Variants in ARHGAP26 observed in about 807,000 individuals in gnomAD.
ARHGAP26 encodes rho GTPase-activating protein 26.
Under a neutral mutation model 104.8 loss-of-function variants are expected in ARHGAP26, and 38 were observed. The ratio of observed to expected loss-of-function variants is 0.36; its 90% CI spans 0.28 to 0.48. The LOEUF is 0.48. ARHGAP26 is among the 20% of genes least tolerant of loss of function. ARHGAP26 has a pLI of 0.99. For synonymous variants in ARHGAP26, 341 were observed against 340.0 expected (o/e 1.00, Z -0.03); for missense variants, 704 against 947.9 (o/e 0.74, Z 3.38).
intron 14 of ARHGAP26, among the ~76,000 whole-genome samples, chr5:143,047,846 T>C (rs914184158): frequency 6.6e-6 from 1 of 152,112 alleles, no homozygotes; most frequent in Admixed American, 6.5e-5. Flanking sequence ...ATTATTATTA[T>C]TCCGCTCTGT....
intron 11 of ARHGAP26, among the ~76,000 whole-genome samples, chr5:142,988,234 G>C (rs1053335366): frequency 6.6e-6 from 1 of 152,100 alleles, no homozygotes; most frequent in African/African-American, 2.4e-5. Flanking sequence ...TGTATGTGTC[G>C]TGGAATTTAT....
intron 17 of ARHGAP26, among the ~76,000 whole-genome samples, chr5:143,104,693 ATT>A (rs1375925995): frequency 6.6e-6 from 1 of 152,230 alleles, no homozygotes; most frequent in East Asian, 1.9e-4. Context: ...AGATTTCTAA[ATT>A]ATCGAATACC....
At chr5:142,858,535 G>T (rs780864108) in intron 1 of ARHGAP26, among the ~76,000 whole-genome samples, 1 of 152,030 alleles carries the variant, frequency 6.6e-6, no homozygotes, top group African/African-American at 2.4e-5. Context: ...GGGATTGCAG[G>T]GTTTATCATT....
At position 143,226,711 on chromosome 5, in the gene ARHGAP26, ATATGTGTTTTCT is replaced by A. The variant is rs1166867577; in HGVS notation, c.*4271_*4282del. The A allele has an allele frequency of 4.6e-6, 1 of 217,436 alleles. No individual in the cohort carries two copies. The highest frequency in any genetic ancestry group is 5.8e-5 in the Admixed American group (1 of 17,218). The allele number at this position is 217,436 out of a possible 1,614,324, so 13.5% of individuals were successfully genotyped here. On this transcript the variant is annotated 3_prime_UTR_variant, in exon 23 of 23. Transcript: ENST00000645722. ...AATGTCTGAAGTATTTATACGGCCA[ATATGTGTTTTCT>A]TATGTCAGACCACACTGTCTTTTTG...
intron 1 of ARHGAP26, among the ~76,000 whole-genome samples, chr5:142,795,605 G>C (rs140487561): frequency 6.6e-6 from 1 of 152,156 alleles, no homozygotes; most frequent in East Asian, 1.9e-4. Context: ...ATATGTACTT[G>C]TTTTGCTTCC....
chr5:142,865,363 T>G (rs1000804831), intron 1 of ARHGAP26, among the ~76,000 whole-genome samples: 6 of 152,178 alleles, frequency 3.9e-5, no homozygotes, highest in African/African-American at 1.2e-4. Context: ...AATGTTCTTA[T>G]GAGGAAAAGC....
intron 1 of ARHGAP26, among the ~76,000 whole-genome samples, chr5:142,787,995 CTTTT>C (rs71576156): frequency 7.5e-6 from 1 of 132,860 alleles, no homozygotes; most frequent in African/African-American, 2.8e-5. Flanking sequence ...TTAACCAATT[CTTTT>C]TTTTTTTTTT....
intron 20 of ARHGAP26, among the ~76,000 whole-genome samples, chr5:143,180,825 A>G (rs780311720): frequency 6.6e-6 from 1 of 152,186 alleles, no homozygotes; most frequent in Non-Finnish European, 1.5e-5. Flanking sequence ...AACCATATCA[A>G]TGCCAAAAAC....
intron 6 of ARHGAP26, among the ~76,000 whole-genome samples, chr5:142,898,901 A>G (rs1387208604): frequency 6.6e-6 from 1 of 152,214 alleles, no homozygotes; most frequent in Non-Finnish European, 1.5e-5. Context: ...TGGGTGTCTT[A>G]GAACAACAGA....
At chr5:143,189,787 G>T (rs145985120) in intron 20 of ARHGAP26, among the ~76,000 whole-genome samples, 154 of 152,118 alleles carry the variant, frequency 1.0e-3, no homozygotes, top group Non-Finnish European at 1.8e-3. Context: ...CTGTGTTCTC[G>T]CCCACCCTAC....
At chr5:142,770,993 G>A in intron 1 of ARHGAP26, 78 bp downstream of exon 1, 1 of 1,485,724 alleles carries the variant, frequency 6.7e-7, no homozygotes, top group Non-Finnish European at 9.0e-7. Context: ...CGGGTTGCCC[G>A]CGCGTCTGCC....
intron 17 of ARHGAP26, among the ~76,000 whole-genome samples, chr5:143,083,680 G>T (rs1380007358): frequency 6.6e-6 from 1 of 152,038 alleles, no homozygotes; most frequent in Admixed American, 6.6e-5. Context: ...TGCATTTTTA[G>T]TAGAGATAGG....
chr5:142,815,504 G>T (rs543158662), intron 1 of ARHGAP26, among the ~76,000 whole-genome samples: 2 of 152,306 alleles, frequency 1.3e-5, no homozygotes, highest in African/African-American at 4.8e-5. Flanking sequence ...TAAATCTAAG[G>T]TTGGTTAGTT....
At chr5:142,812,729 G>T (rs1268371759) in intron 1 of ARHGAP26, among the ~76,000 whole-genome samples, 1 of 151,968 alleles carries the variant, frequency 6.6e-6, no homozygotes, top group African/African-American at 2.4e-5. Context: ...TTAGCGATGG[G>T]GTCTTGCTAT....
intron 11 of ARHGAP26, among the ~76,000 whole-genome samples, chr5:142,987,174 G>GC (rs1378455852): frequency 6.6e-6 from 1 of 152,154 alleles, no homozygotes; most frequent in Admixed American, 6.5e-5. Context: ...ATTTCGTTGA[G>GC]CAGTGGTTTG....
chr5:142,783,765 C>T (rs1333848429), intron 1 of ARHGAP26, among the ~76,000 whole-genome samples: 2 of 152,230 alleles, frequency 1.3e-5, no homozygotes, highest in Middle Eastern at 3.2e-3. Context: ...CTGGTGTGAT[C>T]CCAGGGTGTC....
intron 1 of ARHGAP26, among the ~76,000 whole-genome samples, chr5:142,783,869 G>A (rs1346656946): frequency 6.6e-6 from 1 of 152,240 alleles, no homozygotes; most frequent in Non-Finnish European, 1.5e-5. Context: ...TCTTGCATTT[G>A]TATCTGACTA....
intron 1 of ARHGAP26, among the ~76,000 whole-genome samples, chr5:142,797,666 C>G (rs571429206): frequency 2.1e-3 from 315 of 152,294 alleles, no homozygotes; most frequent in Non-Finnish European, 3.9e-3. Context: ...CACAGCAACC[C>G]TCGTCTGTGA....
At chr5:142,935,200 G>A (rs150980450) in intron 11 of ARHGAP26, among the ~76,000 whole-genome samples, 2 of 152,298 alleles carry the variant, frequency 1.3e-5, no homozygotes, top group Admixed American at 1.3e-4. Context: ...CCGAATCTGG[G>A]AACTTACATA....
Sources: allele counts gnomAD v4.1 joint callset (sites outside exome capture counted in the v4.1 genomes callset), GRCh38; gene constraint gnomAD v4.1.1; transcripts MANE v1.5; gene names NCBI Gene and HGNC (gene_info 2026-07-23, HGNC 2026-07-21).